Variants in SLC9A7 observed in about 807,000 individuals in gnomAD.
The protein encoded by SLC9A7 is sodium/hydrogen exchanger 7.
In SLC9A7, 19 loss-of-function variants were observed where a neutral mutation model predicts 52.6. The observed-to-expected ratio is 0.36, with a 90% confidence interval of 0.25 to 0.53. The LOEUF is 0.53. Among genes scored for constraint, SLC9A7 ranks in the 20% least tolerant of loss-of-function variants. The pLI, the probability that SLC9A7 is intolerant of heterozygous loss-of-function variation, is 0.91. For missense variants in SLC9A7, 455 were observed against 597.9 expected (o/e 0.76, Z 2.49); for synonymous variants, 226 against 252.1 (o/e 0.90, Z 0.98).
intron 16 of SLC9A7, among the ~76,000 whole-genome samples, chrX:46,608,070 C>T (rs5906246): frequency 9.0e-6 from 1 of 111,587 alleles, no homozygotes; most frequent in Non-Finnish European, 1.9e-5. Context: ...TGAGACAGAG[C>T]CTCCAGGGCG....
intron 7 of SLC9A7, among the ~76,000 whole-genome samples, chrX:46,657,297 G>C (rs1943718219): frequency 9.2e-6 from 1 of 109,004 alleles, no homozygotes; most frequent in Non-Finnish European, 1.9e-5. Flanking sequence ...ATCGAGACTA[G>C]GAAGAAACTG....
intron 3 of SLC9A7, among the ~76,000 whole-genome samples, chrX:46,673,828 C>T (rs1485457886): frequency 1.8e-5 from 2 of 111,834 alleles, no homozygotes; most frequent in African/African-American, 3.3e-5. Context: ...TAAGGAATGC[C>T]TGCTGCCCCT....
intron 1 of SLC9A7, among the ~76,000 whole-genome samples, chrX:46,726,774 A>G (rs948824305): frequency 2.7e-5 from 3 of 111,587 alleles, no homozygotes; most frequent in Non-Finnish European, 5.7e-5. Context: ...ACCAGCAGCT[A>G]CCCAAGTCTA....
chrX:46,632,163 T>A (rs1943232823), intron 13 of SLC9A7, among the ~76,000 whole-genome samples: 1 of 112,275 alleles, frequency 8.9e-6, no homozygotes, highest in Admixed American at 9.4e-5. Context: ...TACCTATCTA[T>A]CCATTTCTCT....
chrX:46,741,840 T>C (rs1921371375), intron 1 of SLC9A7, among the ~76,000 whole-genome samples: 1 of 107,786 alleles, frequency 9.3e-6, no homozygotes, highest in African/African-American at 3.4e-5. Flanking sequence ...GTTAAGATAC[T>C]GAAAAGAAAA....
chrX:46,634,872 G>C (rs1943294331), intron 13 of SLC9A7, among the ~76,000 whole-genome samples: 1 of 111,213 alleles, frequency 9.0e-6, no homozygotes, highest in Non-Finnish European at 1.9e-5. Context: ...TTTTGCATTT[G>C]ATTTATCTAT....
At chrX:46,724,217 G>T (rs1304349765) in intron 1 of SLC9A7, among the ~76,000 whole-genome samples, 1 of 111,530 alleles carries the variant, frequency 9.0e-6, no homozygotes, top group African/African-American at 3.3e-5. Context: ...GGTTAATAAG[G>T]TACTTATGAC....
At chrX:46,625,144 C>T (rs1943104575) in intron 14 of SLC9A7, among the ~76,000 whole-genome samples, 1 of 111,640 alleles carries the variant, frequency 9.0e-6, no homozygotes, top group South Asian at 3.7e-4. Context: ...AGAATGAATG[C>T]ATAATGATAT....
chrX:46,732,795 A>G (rs1242897215), intron 1 of SLC9A7, among the ~76,000 whole-genome samples: 3 of 111,817 alleles, frequency 2.7e-5, no homozygotes, highest in African/African-American at 9.8e-5. Flanking sequence ...CTGCTACAGT[A>G]TTGTTCGATT....
intron 1 of SLC9A7, among the ~76,000 whole-genome samples, chrX:46,695,695 T>C (rs1944439071): frequency 9.0e-6 from 1 of 110,768 alleles, no homozygotes; most frequent in African/African-American, 3.3e-5. Context: ...TTGGTCTGCC[T>C]AGCTGGTCCA....
chrX:46,613,452 G>C, intron 15 of SLC9A7, 58 bp from the exon 16 acceptor site: 1 of 909,042 alleles, frequency 1.1e-6, no homozygotes, highest in Non-Finnish European at 1.5e-6. Flanking sequence ...ACAACAAAAT[G>C]TGCTTAAAAA....
chrX:46,690,358 T>C (rs1280483493), intron 1 of SLC9A7, among the ~76,000 whole-genome samples: 1 of 112,679 alleles, frequency 8.9e-6, no homozygotes, highest in Non-Finnish European at 1.9e-5. Context: ...TATCTTTTTG[T>C]GTACTTATTG....
chrX:46,686,434 G>A (rs995990891), intron 1 of SLC9A7, among the ~76,000 whole-genome samples: 5 of 111,819 alleles, frequency 4.5e-5, no homozygotes, highest in African/African-American at 6.5e-5. Flanking sequence ...CATATTTGGC[G>A]TTTTCCAGTT....
intron 3 of SLC9A7, among the ~76,000 whole-genome samples, chrX:46,674,340 A>C (rs1404438585): frequency 8.9e-6 from 1 of 112,510 alleles, no homozygotes; most frequent in Non-Finnish European, 1.9e-5. Flanking sequence ...TCTCCCGTTC[A>C]TATCTGCTGA....
chrX:46,625,787 G>A (rs1057079598), intron 14 of SLC9A7, among the ~76,000 whole-genome samples: 15 of 110,894 alleles, frequency 1.4e-4, no homozygotes, highest in Non-Finnish European at 1.9e-5. Context: ...AGAAAGGGCG[G>A]GAGAGATTCA....
At chrX:46,743,270 A>G (rs1921501648) in intron 1 of SLC9A7, among the ~76,000 whole-genome samples, 2 of 111,932 alleles carry the variant, frequency 1.8e-5, no homozygotes, top group African/African-American at 6.5e-5. Context: ...TTGGCCTGTG[A>G]GATATTACCT....
At chrX:46,662,738 G>A (rs2235315) in intron 5 of SLC9A7, 95 bp from the exon 6 acceptor site, 8,476 of 598,832 alleles carry the variant, frequency 0.014, 255 homozygotes, top group East Asian at 0.12. Context: ...TCTTGGGTGG[G>A]ACTGGGTGAT....
At chrX:46,612,006 G>T (rs1011505160) in intron 16 of SLC9A7, among the ~76,000 whole-genome samples, 5 of 111,659 alleles carry the variant, frequency 4.5e-5, no homozygotes, top group African/African-American at 1.3e-4. Context: ...TAGGCTTTGT[G>T]TTCTGCCTTC....
At chrX:46,681,853 G>A (rs990040253) in intron 2 of SLC9A7, among the ~76,000 whole-genome samples, 1 of 112,110 alleles carries the variant, frequency 8.9e-6, no homozygotes, top group African/African-American at 3.2e-5. Flanking sequence ...TTAAGCCTCT[G>A]GCATCAATCA....
Sources: gnomAD v4.1 joint callset for allele counts (sites outside exome capture counted in the v4.1 genomes callset) on GRCh38, gnomAD v4.1.1 for gene constraint, MANE v1.5 for transcripts, NCBI Gene and HGNC (gene_info 2026-07-23, HGNC 2026-07-21) for gene names.